Variants in CMKLR1 observed in about 807,000 individuals in gnomAD.
The protein encoded by CMKLR1 is chemerin chemokine-like receptor 1, also known as chemerin-like receptor 1.
A neutral mutation model predicts 8.2 loss-of-function variants in CMKLR1; 6 were observed. The ratio of observed to expected loss-of-function variants is 0.73; its 90% CI spans 0.40 to 1.44. The LOEUF is 1.44. Among genes scored for constraint, CMKLR1 ranks in the 40% most tolerant of loss-of-function variants. CMKLR1 has a pLI of 0.02. For missense variants in CMKLR1, 429 were observed against 478.0 expected, an observed-to-expected ratio of 0.90 and a Z score of 0.96; for synonymous variants, 178 against 181.2, an observed-to-expected ratio of 0.98 and a Z score of 0.14.
chr12:108,326,000 T>C (rs960492498), intron 2 of CMKLR1, among the ~76,000 whole-genome samples: 1 of 152,156 alleles, frequency 6.6e-6, no homozygotes, highest in Non-Finnish European at 1.5e-5. Context: ...GTGGGCAGTG[T>C]AGACATGAGT....
intron 1 of CMKLR1, 26 bp downstream of exon 1, chr12:108,339,001 C>G (rs1892293212): frequency 6.6e-6 from 1 of 152,214 alleles, no homozygotes; most frequent in African/African-American, 2.4e-5. Context: ...CCTCAGAAGA[C>G]ACCCAAGGCA....
intron 2 of CMKLR1, among the ~76,000 whole-genome samples, chr12:108,301,142 C>T (rs1026674272): frequency 1.5e-5 from 2 of 137,386 alleles, no homozygotes; most frequent in African/African-American, 5.5e-5. Flanking sequence ...GTGGTGCGAT[C>T]TCAGCTTACT....
chr12:108,310,903 A>G (rs544415607), intron 2 of CMKLR1, among the ~76,000 whole-genome samples: 1 of 152,234 alleles, frequency 6.6e-6, no homozygotes, highest in African/African-American at 2.4e-5. Flanking sequence ...CTCACCAGGG[A>G]GGCACATCCC....
intron 2 of CMKLR1, among the ~76,000 whole-genome samples, chr12:108,295,428 C>T (rs1039634878): frequency 6.6e-6 from 1 of 152,260 alleles, no homozygotes; most frequent in Admixed American, 6.5e-5. Context: ...ACCAAGTTGA[C>T]ATTCCCTGTG....
chr12:108,328,233 G>A (rs1012744818), intron 2 of CMKLR1, among the ~76,000 whole-genome samples: 3 of 152,192 alleles, frequency 2.0e-5, no homozygotes, highest in African/African-American at 7.2e-5. Flanking sequence ...GAAGTCGAAA[G>A]GGAAAAGCCT....
chr12:108,301,803 C>G (rs1891282918), intron 2 of CMKLR1, among the ~76,000 whole-genome samples: 1 of 152,150 alleles, frequency 6.6e-6, no homozygotes, highest in Admixed American at 6.5e-5. Flanking sequence ...ATTTGTGGCT[C>G]CACTCAATTG....
chr12:108,320,420 C>G lies in CMKLR1; in HGVS notation c.-74+9575G>C, dbSNP rs548051229. ...TCCTGAGTGCCAGCAGAAATCCCAACCCACTCCAGGGATCCGGGACTCAGA... is the reference window on the plus strand; with the variant it reads ...TCCTGAGTGCCAGCAGAAATCCCAAGCCACTCCAGGGATCCGGGACTCAGA... On this transcript the variant is annotated intron_variant, in intron 2 of 3. Transcript: ENST00000550402. 4 of 152,270 alleles carry G rather than the reference C, an allele frequency of 2.6e-5. No homozygotes were observed. The East Asian group carries it at 5.8e-4, about 22-fold the overall frequency. 9.4% of individuals were successfully genotyped at this position (152,270 alleles called of 1,614,324 possible). A position where few individuals can be genotyped will look rare whatever the true frequency, so the allele number is the denominator to read the frequency against.
intron 2 of CMKLR1, among the ~76,000 whole-genome samples, chr12:108,312,258 T>C (rs571283802): frequency 6.6e-6 from 1 of 152,314 alleles, no homozygotes; most frequent in South Asian, 2.1e-4. Flanking sequence ...CTCAGATCTG[T>C]GAGAACTCAA....
At chr12:108,327,501 T>C (rs1025247247) in intron 2 of CMKLR1, among the ~76,000 whole-genome samples, 6 of 152,146 alleles carry the variant, frequency 3.9e-5, no homozygotes, top group African/African-American at 1.2e-4. Flanking sequence ...AAAGAGATGT[T>C]GTGAATTAGA....
chr12:108,329,262 G>T (rs7301108), intron 2 of CMKLR1, among the ~76,000 whole-genome samples: 66,073 of 151,530 alleles, frequency 0.44, 14,737 homozygotes, highest in Admixed American at 0.54. Context: ...AGGCCCTGAG[G>T]AGCATTCCGA....
At chr12:108,306,778 C>T (rs561175147) in intron 2 of CMKLR1, among the ~76,000 whole-genome samples, 4 of 152,292 alleles carry the variant, frequency 2.6e-5, no homozygotes, top group South Asian at 2.1e-4. Context: ...GAGCCCAGAC[C>T]CAGACGGAAC....
chr12:108,332,154 G>T (rs918426365), intron 1 of CMKLR1, among the ~76,000 whole-genome samples: 1 of 152,174 alleles, frequency 6.6e-6, no homozygotes, highest in Non-Finnish European at 1.5e-5. Context: ...CAAAGAACAT[G>T]GCAGACACTC....
chr12:108,328,348 CT>C (rs1892031460), intron 2 of CMKLR1, among the ~76,000 whole-genome samples: 1 of 152,238 alleles, frequency 6.6e-6, no homozygotes, highest in East Asian at 1.9e-4. Flanking sequence ...GGCAAGCCCC[CT>C]GACACCAAGG....
At position 108,291,722 on chromosome 12, in the gene CMKLR1, C is replaced by T; in HGVS notation, c.*119G>A. ...TCCCAGCATAAAACACTGTTCATCC[C>T]ATGCAAAATGCAGTGAAAATTGGTG... On this transcript the variant is annotated 3_prime_UTR_variant, in exon 4 of 4. Coordinates refer to ENST00000550402, the MANE Select transcript of CMKLR1 (RefSeq NM_001142343.2). The T allele has an allele frequency of 9.9e-7, 1 of 1,006,588 alleles. No individual in the cohort carries two copies. The highest frequency in any genetic ancestry group is 1.5e-6 in the Non-Finnish European group (1 of 670,824). 62.4% of individuals were successfully genotyped at this position (1,006,588 alleles called of 1,614,324 possible).
chr12:108,291,669 T>C lies in CMKLR1; in HGVS notation c.*172A>G. The C allele has an allele frequency of 1.4e-6, 1 of 693,744 alleles. No individual in the cohort carries two copies. Among genetic ancestry groups the C allele is most frequent in the South Asian group, 1.8e-5 (1 of 54,448 alleles). 43.0% of individuals were successfully genotyped at this position (693,744 alleles called of 1,614,324 possible). A position where few individuals can be genotyped will look rare whatever the true frequency, so the allele number is the denominator to read the frequency against. ...ATGGAACACAGCATGTTCTGTCCAC[T>C]AGAAGAAAGGGGTTCCAGGCCCTAG... On this transcript the variant is annotated 3_prime_UTR_variant, in exon 4 of 4. Coordinates refer to ENST00000550402, the MANE Select transcript of CMKLR1 (RefSeq NM_001142343.2).
intron 2 of CMKLR1, among the ~76,000 whole-genome samples, chr12:108,328,050 G>C (rs998909624): frequency 6.6e-6 from 1 of 152,144 alleles, no homozygotes. Flanking sequence ...CCCCAGAGTC[G>C]TGTTTATGAT....
intron 1 of CMKLR1, among the ~76,000 whole-genome samples, chr12:108,336,747 A>G (rs1892235344): frequency 1.3e-5 from 2 of 152,236 alleles, no homozygotes; most frequent in African/African-American, 2.4e-5. Context: ...ATAATCCACT[A>G]AAGAAATCAA....
intron 1 of CMKLR1, among the ~76,000 whole-genome samples, chr12:108,335,043 T>C (rs897473848): frequency 6.6e-6 from 1 of 152,184 alleles, no homozygotes; most frequent in Non-Finnish European, 1.5e-5. Context: ...ACCTTGAGGA[T>C]AGGTGATGTT....
rs1212192795 is a variant in CMKLR1 at position 108,292,483 on chromosome 12, G to C, written c.480C>G (p.Cys160Trp). ...HRSVRLAYMA[C>W]MVIWVLAFFL... ...AGAAAGCCAGGACCCAGATGACCAT[G>C]CAGGCCATGTAAGCCAGGCGAACGC... Residue 160 changes from cysteine (C) to tryptophan (W), a missense_variant, in exon 4 of 4, where the codon TGC (cysteine) becomes TGG (tryptophan). Transcript: ENST00000550402. 1 of 1,614,194 alleles carries C rather than the reference G, an allele frequency of 6.2e-7. No homozygotes were observed. The highest frequency in any genetic ancestry group is 8.5e-7 in the Non-Finnish European group (1 of 1,180,030).
Sources: allele counts gnomAD v4.1 joint callset (sites outside exome capture counted in the v4.1 genomes callset), GRCh38; gene constraint gnomAD v4.1.1; transcripts MANE v1.5; gene names NCBI Gene and HGNC (gene_info 2026-07-23, HGNC 2026-07-21).